Variants in TACC1 observed in about 807,000 individuals in gnomAD.
The protein encoded by TACC1 is transforming acidic coiled-coil containing protein 1.
Under a neutral mutation model 84.4 loss-of-function variants are expected in TACC1, and 48 were observed. The observed-to-expected ratio is 0.57, with a 90% CI of 0.45 to 0.72. The LOEUF (loss-of-function observed/expected upper bound fraction) is 0.72. TACC1 is among the 30% of genes least tolerant of loss of function. TACC1 has a pLI of 0.00. For synonymous variants in TACC1, 372 were observed against 376.3 expected (o/e 0.99, Z 0.13); for missense variants, 920 against 973.0 (o/e 0.95, Z 0.72).
chr8:38,775,849 G>C (rs1437058466), intron 3 of TACC1, among the ~76,000 whole-genome samples: 1 of 152,216 alleles, frequency 6.6e-6, no homozygotes, highest in Non-Finnish European at 1.5e-5. Flanking sequence ...ATGAGGTACA[G>C]GGAAGACCGG....
chr8:38,807,799 G>C (rs1823113859), intron 2 of TACC1, among the ~76,000 whole-genome samples: 1 of 152,182 alleles, frequency 6.6e-6, no homozygotes, highest in South Asian at 2.1e-4. Flanking sequence ...GTACAAACTA[G>C]AATATTAAGC....
At chr8:38,767,761 G>A (rs1381515889) in intron 3 of TACC1, among the ~76,000 whole-genome samples, 1 of 152,082 alleles carries the variant, frequency 6.6e-6, no homozygotes, top group African/African-American at 2.4e-5. Flanking sequence ...AGTACCCGTA[G>A]GATAAAAGAA....
intron 3 of TACC1, among the ~76,000 whole-genome samples, chr8:38,821,239 G>A (rs1021073532): frequency 1.3e-5 from 2 of 152,048 alleles, no homozygotes; most frequent in East Asian, 3.9e-4. Context: ...TAGACAGGTA[G>A]AGATTTGATG....
intron 3 of TACC1, among the ~76,000 whole-genome samples, chr8:38,769,108 A>G (rs1812887828): frequency 7.9e-6 from 1 of 126,656 alleles, no homozygotes; most frequent in African/African-American, 3.1e-5. Context: ...TGTGTGAGAG[A>G]CTGTATGGGT....
chr8:38,837,149 T>C, intron 7 of TACC1, among the ~76,000 whole-genome samples: 1 of 144,296 alleles, frequency 6.9e-6, no homozygotes, highest in African/African-American at 2.6e-5. Flanking sequence ...GCGCAGTAGC[T>C]CATGCCTGTA....
chr8:38,748,466 A>G (rs1484943880), intron 3 of TACC1, among the ~76,000 whole-genome samples: 1 of 152,208 alleles, frequency 6.6e-6, no homozygotes, highest in Non-Finnish European at 1.5e-5. Context: ...ATATTTTTAG[A>G]ACATTTCACT....
intron 5 of TACC1, chr8:38,827,726 G>C (rs575861992): frequency 1.2e-5 from 3 of 255,390 alleles, no homozygotes; most frequent in African/African-American, 6.7e-5. Flanking sequence ...CTAATTTATA[G>C]GAAAAAGAGG....
At chr8:38,834,215 A>T (rs1018219966) in intron 6 of TACC1, among the ~76,000 whole-genome samples, 2 of 152,100 alleles carry the variant, frequency 1.3e-5, no homozygotes, top group African/African-American at 4.8e-5. Context: ...CTTGGGGAGG[A>T]TCTGCTTCCA....
chr8:38,807,172 T>C (rs1475017397), intron 2 of TACC1, among the ~76,000 whole-genome samples: 2 of 152,210 alleles, frequency 1.3e-5, no homozygotes, highest in African/African-American at 2.4e-5. Context: ...CTGAAGCTCA[T>C]ACTTCCGAGA....
chr8:38,812,686 C>T (rs1824496005), intron 2 of TACC1, among the ~76,000 whole-genome samples: 1 of 152,216 alleles, frequency 6.6e-6, no homozygotes, highest in South Asian at 2.1e-4. Flanking sequence ...TCCTGTTGCT[C>T]TTAGAATAGA....
At chr8:38,812,786 TA>T (rs1288627243) in intron 2 of TACC1, among the ~76,000 whole-genome samples, 1 of 152,242 alleles carries the variant, frequency 6.6e-6, no homozygotes, top group African/African-American at 2.4e-5. Context: ...CTTTCAGTAT[TA>T]TTTAATCAAT....
In TACC1 at chr8:38,819,853, C is replaced by G. The variant is rs1340555569; in HGVS notation, c.609C>G (p.Val203=). The change falls in exon 3 of 13, where the codon GTC becomes GTG. Residue 203 remains valine (V), a synonymous_variant. Coordinates refer to ENST00000317827, the MANE Select transcript of TACC1 (RefSeq NM_006283.3). ...CGATGACAGAAGGCAGCATGGGGGT[C>G]ACCCTCGAGGCCTCCGCAGAAGCTG... ...DEAMTEGSMG[V]TLEASAEADL... is the part of the protein sequence containing the mutation. 1.2e-6 allele frequency: 2 copies of G among 1,613,932 alleles called. No individual in the cohort carries two copies. The highest frequency in any genetic ancestry group is 1.7e-6 in the Non-Finnish European group (2 of 1,180,040).
At position 38,827,310 on chromosome 8, in the gene TACC1, A is replaced by T. The variant is rs774339060; in HGVS notation, c.1595A>T (p.Glu532Val). The T allele has an allele frequency of 6.8e-6, 11 of 1,614,122 alleles. No homozygotes were observed. The highest frequency in any genetic ancestry group is 9.3e-6 in the Non-Finnish European group (11 of 1,180,046). ...EVKGEPEEDL[E>V]YFECSNVPVS... ...AAAGGTGAGCCAGAGGAAGACCTGGAGTACTTTGAATGTTCCAATGTTCCT... is the reference window on the plus strand; with the variant it reads ...AAAGGTGAGCCAGAGGAAGACCTGGTGTACTTTGAATGTTCCAATGTTCCT... Residue 532 changes from glutamate (E) to valine (V), a missense_variant, in exon 5 of 13, where the codon GAG (glutamate) becomes GTG (valine). Physicochemically the swap from Glu to Val is moderately radical, Grantham distance 121 (BLOSUM62 -2). Around this residue, in one of 2 missense-constraint regions of TACC1, gnomAD observed 762 missense variants for 747.3 expected, o/e 1.02. Transcript: ENST00000317827.
At chr8:38,751,126 T>G (rs1464146955) in intron 3 of TACC1, among the ~76,000 whole-genome samples, 1 of 152,158 alleles carries the variant, frequency 6.6e-6, no homozygotes, top group African/African-American at 2.4e-5. Context: ...GATGGGTAGC[T>G]CTGAGATAAG....
Position 38,831,135 on chromosome 8 carries a change from G to A in TACC1, c.1671G>A (p.Lys557=), listed in dbSNP as rs1829139910. 1 of 1,614,224 alleles carries A rather than the reference G, an allele frequency of 6.2e-7. No homozygotes were observed. Among genetic ancestry groups the A allele is most frequent in the Non-Finnish European group, 8.5e-7 (1 of 1,180,024 alleles). The change falls in exon 6 of 13, where the codon AAG becomes AAA. Residue 557 remains lysine (K), a synonymous_variant. Transcript: ENST00000317827. ...GACTTTCTGTCTTAGGCATAGAGAA[G>A]GAGACGTGCCAGAAGATGGAAGAAG... ...AFSSSEAGIE[K]ETCQKMEEDG... is the part of the protein sequence containing the mutation.
At chr8:38,784,571 A>C (rs960911415), upstream of TACC1, among the ~76,000 whole-genome samples, 3 of 151,966 alleles carry the variant, frequency 2.0e-5, no homozygotes, top group African/African-American at 7.3e-5. Context: ...CCATCTCAAA[A>C]AAAAAAAAAA....
intron 3 of TACC1, among the ~76,000 whole-genome samples, chr8:38,750,833 C>G (rs1037460977): frequency 1.1e-4 from 16 of 152,120 alleles, no homozygotes; most frequent in Non-Finnish European, 1.9e-4. Flanking sequence ...GATTCAAAGT[C>G]TCAATATTGT....
chr8:38,815,629 G>A (rs1049699885), intron 2 of TACC1, among the ~76,000 whole-genome samples: 1 of 152,114 alleles, frequency 6.6e-6, no homozygotes, highest in Non-Finnish European at 1.5e-5. Context: ...ATGTTGGCCA[G>A]GCTGGTTTCG....
At chr8:38,802,927 A>G (rs1821742538) in intron 2 of TACC1, among the ~76,000 whole-genome samples, 1 of 152,236 alleles carries the variant, frequency 6.6e-6, no homozygotes, top group South Asian at 2.1e-4. Context: ...GGCCTCACCT[A>G]CAACACTGGG....
Sources: gnomAD v4.1 joint callset for allele counts (sites outside exome capture counted in the v4.1 genomes callset) on GRCh38, gnomAD v4.1.1 for gene constraint, gnomAD v4.1.1 regional missense constraint, MANE v1.5 for transcripts, NCBI Gene and HGNC (gene_info 2026-07-23, HGNC 2026-07-21) for gene names.